KCNA6: variants seen among roughly 807,000 people sequenced by gnomAD.
KCNA6 encodes the protein human brain potassium channel-2.
Under a neutral mutation model 29.5 loss-of-function variants are expected in KCNA6, and 17 were observed. That is an observed-to-expected ratio of 0.58 (90% CI 0.39 to 0.86). The LOEUF (loss-of-function observed/expected upper bound fraction) is 0.86, where lower values mean the gene tolerates loss of function less well. KCNA6 is among the 40% of genes least tolerant of loss of function. The pLI, the probability that KCNA6 is intolerant of heterozygous loss-of-function variation, is 0.00. For missense variants in KCNA6, 450 were observed against 703.4 expected, an observed-to-expected ratio of 0.64 and a Z score of 4.07; for synonymous variants, 296 against 304.7, an observed-to-expected ratio of 0.97 and a Z score of 0.30.
chr12:4,815,442 G>C (rs979992208), downstream of KCNA6, among the ~76,000 whole-genome samples: 1 of 152,158 alleles, frequency 6.6e-6, no homozygotes, highest in Non-Finnish European at 1.5e-5. Flanking sequence ...ATGAGAGAAG[G>C]CAGGCTGGGA....
At chr12:4,839,120 A>G in the KCNA6 span, 1 of 152,242 alleles carries the variant, frequency 6.6e-6, no homozygotes, top group African/African-American at 2.4e-5. Context: ...TTGTGCATTG[A>G]ACTCAAAAGC....
At chr12:4,840,272 AGTGTCTG>A in the KCNA6 span, among the ~76,000 whole-genome samples, 2 of 151,994 alleles carry the variant, frequency 1.3e-5, no homozygotes, top group Non-Finnish European at 2.9e-5. Context: ...GACGCTTGAG[AGTGTCTG>A]GACTATTTTC....
chr12:4,848,292 G>C, the KCNA6 span, among the ~76,000 whole-genome samples: 10,345 of 152,100 alleles, frequency 0.068, 552 homozygotes, highest in East Asian at 0.26. Context: ...AGGTTCCTGG[G>C]GGTAAATCAG....
the KCNA6 span, among the ~76,000 whole-genome samples, chr12:4,840,602 G>A: frequency 3.3e-5 from 5 of 152,188 alleles, no homozygotes; most frequent in African/African-American, 1.2e-4. Context: ...GGAATGACAC[G>A]TTCCACATCA....
chr12:4,809,952 C>A, exon 1 of KCNA6: 1 of 1,425,806 alleles, frequency 7.0e-7, no homozygotes, highest in Non-Finnish European at 9.2e-7. Context: ...CTAAAGAGGG[C>A]GCAGCCGGGA....
the KCNA6 span, among the ~76,000 whole-genome samples, chr12:4,835,335 C>T: frequency 8.6e-5 from 13 of 152,032 alleles, no homozygotes; most frequent in South Asian, 6.2e-4. Context: ...GGGGTTTCAC[C>T]GTGTTAGCCA....
the KCNA6 span, among the ~76,000 whole-genome samples, chr12:4,848,319 A>G: frequency 2.0e-5 from 3 of 152,158 alleles, no homozygotes; most frequent in Admixed American, 2.0e-4. Context: ...TCTCACTGAC[A>G]TCAGCAGGGA....
chr12:4,816,213 G>A (rs146817363), downstream of KCNA6, among the ~76,000 whole-genome samples: 2 of 150,932 alleles, frequency 1.3e-5, no homozygotes, highest in South Asian at 2.1e-4. Flanking sequence ...CTTATATGCA[G>A]TCGATCGTTG....
At chr12:4,813,693 T>C (rs560007045), downstream of KCNA6, 31 of 167,148 alleles carry the variant, frequency 1.9e-4, no homozygotes, top group African/African-American at 7.0e-4. Flanking sequence ...AAAAACCTGC[T>C]CTGAGGTCAG....
chr12:4,811,553 T>C lies in KCNA6; in HGVS notation c.1512T>C (p.Ala504=). The C allele has an allele frequency of 1.9e-6, 3 of 1,614,198 alleles. No homozygotes were observed. The highest frequency in any genetic ancestry group is 2.5e-6 in the Non-Finnish European group (3 of 1,180,036). Residue 504 remains alanine (A), a synonymous_variant, in exon 1 of 1, where the codon GCT becomes GCC. Coordinates refer to ENST00000280684, the Ensembl canonical transcript of KCNA6. This position sits in a 1 kb window ranked among gnomAD's most constrained non-coding sequence, Gnocchi z 7.1. The stretch of plus-strand genomic sequence containing the variant: ...TTGGCAAGCCTGACTTCCCCGAGGC[T>C]AACCGGGAACGGAGACCCAGCTACC...
chr12:4,830,138 T>TG, the KCNA6 span, among the ~76,000 whole-genome samples: 32 of 152,340 alleles, frequency 2.1e-4, no homozygotes, highest in Admixed American at 1.8e-3. Context: ...GGCCTCTCTC[T>TG]GAAAGGTGCA....
the KCNA6 span, among the ~76,000 whole-genome samples, chr12:4,837,273 T>C: frequency 6.6e-6 from 1 of 152,212 alleles, no homozygotes; most frequent in African/African-American, 2.4e-5. Context: ...CTCTTCTCCA[T>C]ACCTTGCCCT....
At chr12:4,821,351 A>G in the KCNA6 span, among the ~76,000 whole-genome samples, 80 of 152,228 alleles carry the variant, frequency 5.3e-4, no homozygotes, top group African/African-American at 1.7e-3. Context: ...TTCACCCAGG[A>G]GAGCATACGT....
the KCNA6 span, among the ~76,000 whole-genome samples, chr12:4,827,101 T>C: frequency 6.9e-6 from 1 of 144,876 alleles, no homozygotes; most frequent in African/African-American, 2.6e-5. Context: ...GTCCCCTCTC[T>C]CTTCCCTCCT....
the KCNA6 span, among the ~76,000 whole-genome samples, chr12:4,842,013 G>A: frequency 3.3e-4 from 2 of 6,004 alleles, no homozygotes; most frequent in African/African-American, 4.7e-4. Flanking sequence ...TGGAGCTTAC[G>A]TGTGTGTGTG....
At chr12:4,851,076 G>A in the KCNA6 span, 1 of 217,670 alleles carries the variant, frequency 4.6e-6, no homozygotes, top group South Asian at 5.8e-5. Context: ...AAGGGTGGCT[G>A]TGGAAGAATG....
At chr12:4,850,563 C>A in the KCNA6 span, among the ~76,000 whole-genome samples, 10 of 152,198 alleles carry the variant, frequency 6.6e-5, no homozygotes, top group African/African-American at 2.4e-4. The surrounding 1 kb of genome is among the most constrained non-coding windows in gnomAD (Gnocchi z 5.4). Context: ...GTGGGAGGTA[C>A]AGTTTGAACA....
chr12:4,850,107 G>A, the KCNA6 span, among the ~76,000 whole-genome samples: 1 of 152,354 alleles, frequency 6.6e-6, no homozygotes, highest in Admixed American at 6.5e-5. This position sits in a 1 kb window ranked among gnomAD's most constrained non-coding sequence, Gnocchi z 5.4. Flanking sequence ...CAGTCACGCA[G>A]GGGACAGCCA....
the KCNA6 span, among the ~76,000 whole-genome samples, chr12:4,821,913 C>T: frequency 5.2e-4 from 79 of 152,142 alleles, no homozygotes; most frequent in South Asian, 7.1e-3. Context: ...CTCGGCTCAC[C>T]GCAACCTCTG....
Sources: allele counts gnomAD v4.1 joint callset (sites outside exome capture counted in the v4.1 genomes callset), GRCh38; gene constraint gnomAD v4.1.1; non-coding constraint Gnocchi (gnomAD v3.1); transcripts MANE v1.5; gene names NCBI Gene and HGNC (gene_info 2026-07-23, HGNC 2026-07-21).